The following CDC123 variants were observed in gnomAD, a reference collection of about 807,000 sequenced individuals.
CDC123 encodes translation initiation factor eIF2 assembly protein.
Under a neutral mutation model 54.4 loss-of-function variants are expected in CDC123, and 37 were observed. The ratio of observed to expected loss-of-function variants is 0.68; its 90% CI spans 0.52 to 0.89. The LOEUF is 0.89. CDC123 is among the 40% of genes least tolerant of loss of function. The pLI is 0.00. For missense variants in CDC123, 361 were observed against 412.1 expected, an observed-to-expected ratio of 0.88 and a Z score of 1.07; for synonymous variants, 144 against 136.8, an observed-to-expected ratio of 1.05 and a Z score of -0.37.
At chr10:12,211,742 C>T (rs1319056755) in intron 4 of CDC123, among the ~76,000 whole-genome samples, 1 of 152,216 alleles carries the variant, frequency 6.6e-6, no homozygotes, top group Non-Finnish European at 1.5e-5. Context: ...CACCAGAATG[C>T]CTGACAGGAC....
intron 5 of CDC123, 73 bp downstream of exon 5, chr10:12,215,908 T>A: frequency 1.1e-6 from 1 of 876,598 alleles, no homozygotes; most frequent in Non-Finnish European, 1.8e-6. Flanking sequence ...TTCATATCCC[T>A]ACAGAGGGTC....
chr10:12,220,747 G>C (rs1426578415), intron 6 of CDC123, among the ~76,000 whole-genome samples: 2 of 152,198 alleles, frequency 1.3e-5, no homozygotes, highest in Admixed American at 1.3e-4. Flanking sequence ...GGAGGCCGAG[G>C]TGGGCGGATC....
At position 12,249,606 on chromosome 10, in the gene CDC123, A is replaced by G. The variant is rs1836212943; in HGVS notation, c.872A>G (p.Asn291Ser). ...EQDSPAFRCT[N>S]SEVTVQPSPY... ...GATTCCCCAGCTTTCCGTTGCACAA[A>G]CAGTGAAGTGACAGTCCAGCCCAGC... is the stretch of plus-strand genomic sequence containing the variant. Residue 291 changes from asparagine (N) to serine (S), a missense_variant, in exon 12 of 13, where the codon AAC becomes AGC. Physicochemically the swap from Asn to Ser is conservative, Grantham distance 46 (BLOSUM62 1). Transcript: ENST00000281141. 6.2e-7 allele frequency: 1 copy of G among 1,613,724 alleles called. No homozygotes were observed. The highest frequency in any genetic ancestry group is 1.1e-5 in the South Asian group (1 of 91,012).
At chr10:12,235,026 A>T (rs1392544253) in intron 7 of CDC123, 22 bp from the exon 8 acceptor site, 2 of 1,597,114 alleles carry the variant, frequency 1.3e-6, no homozygotes, top group Admixed American at 1.7e-5. Flanking sequence ...GTTATATTAA[A>T]TATTTTTTCT....
At chr10:12,218,400 C>T (rs532982101) in intron 6 of CDC123, among the ~76,000 whole-genome samples, 25 of 151,852 alleles carry the variant, frequency 1.6e-4, no homozygotes, top group African/African-American at 4.1e-4. Flanking sequence ...CCACCACACC[C>T]GGCTAATTTT....
At chr10:12,238,572 ATCCATGCTC>A in intron 10 of CDC123, 87 bp downstream of exon 10, 1 of 1,485,434 alleles carries the variant, frequency 6.7e-7, no homozygotes, top group Non-Finnish European at 9.1e-7. Flanking sequence ...TGTGTGAAGG[ATCCATGCTC>A]AAAAAATATT....
chr10:12,240,521 T>A (rs1340358598), intron 10 of CDC123, among the ~76,000 whole-genome samples: 1 of 152,210 alleles, frequency 6.6e-6, no homozygotes, highest in East Asian at 1.9e-4. Context: ...TCAAAAGACA[T>A]CACTATATTT....
intron 1 of CDC123, 23 bp from the exon 2 acceptor site, chr10:12,198,682 C>CT: frequency 2.8e-6 from 4 of 1,427,454 alleles, no homozygotes; most frequent in South Asian, 1.2e-5. Context: ...AAAATGATGC[C>CT]TTTTTTGGTG....
At chr10:12,198,658 A>G in intron 1 of CDC123, 47 bp from the exon 2 acceptor site, 5 of 969,708 alleles carry the variant, frequency 5.2e-6, no homozygotes, top group Non-Finnish European at 8.2e-6. Flanking sequence ...CTCTCTGCTT[A>G]TAGTTGGTCT....
At chr10:12,210,948 C>T (rs1258398695) in intron 4 of CDC123, among the ~76,000 whole-genome samples, 4 of 152,104 alleles carry the variant, frequency 2.6e-5, no homozygotes, top group Admixed American at 6.5e-5. Flanking sequence ...TGATAACACC[C>T]GCCTCGGCCT....
intron 1 of CDC123, among the ~76,000 whole-genome samples, chr10:12,197,270 AT>A (rs753675513): frequency 5.3e-5 from 8 of 152,234 alleles, no homozygotes; most frequent in Non-Finnish European, 1.0e-4. Context: ...AGAATTTAAA[AT>A]TTTAAAGAGA....
Position 12,198,062 on chromosome 10 carries a change from G to T in CDC123, c.75-643G>T, listed in dbSNP as rs114796689. Among the ~76,000 whole-genome samples, 1,078 of 152,246 alleles carry T rather than the reference G, an allele frequency of 7.1e-3. 28 individuals carry two copies. Among genetic ancestry groups the T allele is most frequent in the South Asian group, 0.061 (294 of 4,826 alleles). Reference sequence around the variant, plus strand: ...CTTTTTGATAATTTATTATTTCAAGGTAAAAAACAAATTATCCCATAAGTT... The same window carrying T: ...CTTTTTGATAATTTATTATTTCAAGTTAAAAAACAAATTATCCCATAAGTT... On this transcript the variant is annotated intron_variant, in intron 1 of 12. Coordinates refer to ENST00000281141, the MANE Select transcript of CDC123 (RefSeq NM_006023.3).
chr10:12,218,917 G>A (rs898125300), intron 6 of CDC123, among the ~76,000 whole-genome samples: 1 of 152,122 alleles, frequency 6.6e-6, no homozygotes, highest in Admixed American at 6.6e-5. Flanking sequence ...TATTTTTCTA[G>A]GTTTTTCTTC....
At chr10:12,204,293 C>T (rs1835484413) in intron 2 of CDC123, among the ~76,000 whole-genome samples, 1 of 152,052 alleles carries the variant, frequency 6.6e-6, no homozygotes, top group Non-Finnish European at 1.5e-5. Flanking sequence ...CGAGTTCTTT[C>T]CTGACCTTGT....
chr10:12,201,507 G>C (rs557721681), intron 2 of CDC123, among the ~76,000 whole-genome samples: 96 of 152,218 alleles, frequency 6.3e-4, no homozygotes, highest in Non-Finnish European at 1.3e-3. Flanking sequence ...TCTTCCAGGT[G>C]GGGGGAACAG....
intron 6 of CDC123, among the ~76,000 whole-genome samples, chr10:12,224,757 T>G (rs914860382): frequency 5.3e-5 from 8 of 152,152 alleles, no homozygotes; most frequent in Admixed American, 5.2e-4. Context: ...GAAAAAAATT[T>G]GGGGAATATT....
intron 10 of CDC123, among the ~76,000 whole-genome samples, chr10:12,239,633 A>G (rs7071305): frequency 0.66 from 99,737 of 151,066 alleles, 34,548 homozygotes; most frequent in Non-Finnish European, 0.77. Context: ...CACTTGAACC[A>G]GGAGGTGGAG....
chr10:12,235,444 A>T (rs894742320), intron 8 of CDC123, among the ~76,000 whole-genome samples: 2 of 152,220 alleles, frequency 1.3e-5, no homozygotes, highest in Admixed American at 6.5e-5. Flanking sequence ...AGCAGTACTT[A>T]GCAATAGTCT....
intron 6 of CDC123, among the ~76,000 whole-genome samples, chr10:12,230,317 C>A (rs1160478820): frequency 6.6e-6 from 1 of 151,836 alleles, no homozygotes; most frequent in African/African-American, 2.4e-5. Flanking sequence ...CTCAGCCTCT[C>A]GAGTAGCTGG....
Sources: gnomAD v4.1 joint callset for allele counts (sites outside exome capture counted in the v4.1 genomes callset) on GRCh38, gnomAD v4.1.1 for gene constraint, MANE v1.5 for transcripts, NCBI Gene and HGNC (gene_info 2026-07-23, HGNC 2026-07-21) for gene names.